Variants in DTD1 observed in about 807,000 individuals in gnomAD.
DTD1 encodes D-aminoacyl-tRNA deacylase 1, also known as D-tyrosyl-tRNA deacylase 1 homolog.
DTD1 carries 13 observed loss-of-function variants against 25.6 expected under a neutral mutation model. That is an observed-to-expected ratio of 0.51 (90% CI 0.33 to 0.81). DTD1 has a LOEUF of 0.81. DTD1 is among the 30% of genes least tolerant of loss of function. DTD1 has a pLI of 0.02. For missense variants in DTD1, 193 were observed against 266.4 expected (o/e 0.72, Z 1.92); for synonymous variants, 110 against 103.6 (o/e 1.06, Z -0.37).
chr20:18,611,225 A>G (rs1272131029), intron 3 of DTD1: 1 of 152,232 alleles, frequency 6.6e-6, no homozygotes, highest in East Asian at 1.9e-4. Flanking sequence ...CAGAAGTCCT[A>G]CAATTATATC....
Position 18,615,932 on chromosome 20 carries a change from C to G in DTD1, c.371-12195C>G, listed in dbSNP as rs117468893. On this transcript the variant is annotated intron_variant, in intron 3 of 5. Transcript: ENST00000377452. ...ACCACGTCTAAGTTTTTGTTTTGTG[C>G]TTAGTACTTGATTTCTGTGGATTTG... Among the ~76,000 whole-genome samples the G allele has an allele frequency of 1.8e-3, 273 of 152,258 alleles. 8 individuals are homozygous for G. In the East Asian group the frequency reaches 0.051, roughly 29 times the overall value.
Position 18,594,591 on chromosome 20 carries a change from T to C in DTD1, c.134+770T>C, listed in dbSNP as rs1037571807. ...ATTTACTTTAGATGCTGGATCCATT[T>C]ATTCTGCCCCTTGGTGCTCAGAGCT... On this transcript the variant is annotated intron_variant, in intron 2 of 5. Coordinates refer to ENST00000377452, the MANE Select transcript of DTD1 (RefSeq NM_080820.6). Among the ~76,000 whole-genome samples the C allele has an allele frequency of 5.3e-5, 8 of 152,324 alleles. No individual in the cohort carries two copies. The South Asian group carries it at 1.5e-3, about 28-fold the overall frequency.
At chr20:18,693,035 C>T (rs751085933) in intron 4 of DTD1, among the ~76,000 whole-genome samples, 2 of 151,674 alleles carry the variant, frequency 1.3e-5, no homozygotes, top group Non-Finnish European at 2.9e-5. Flanking sequence ...GGATTACAGG[C>T]GCGTGTCACC....
intron 3 of DTD1, among the ~76,000 whole-genome samples, chr20:18,616,660 A>G (rs1199535481): frequency 1.3e-5 from 2 of 152,188 alleles, no homozygotes; most frequent in African/African-American, 4.8e-5. Context: ...AGAAAAAATT[A>G]GCTGAGTGTG....
rs148448227 is a variant in DTD1, at chr20:18,728,906, T to G, written c.478-15194T>G. 2.2e-4 allele frequency among the ~76,000 whole-genome samples: 33 copies of G among 152,334 alleles called. No homozygotes were observed. The East Asian group carries it at 6.4e-3, about 29-fold the overall frequency. On this transcript the variant is annotated intron_variant, in intron 4 of 5. Coordinates refer to ENST00000377452, the MANE Select transcript of DTD1 (RefSeq NM_080820.6). ...GCACACTTCCTCCCAGGAGTGACAA[T>G]TCCTGACAGCATCCTGAAACTGAAT...
At chr20:18,615,409 C>G (rs2060705514) in intron 3 of DTD1, among the ~76,000 whole-genome samples, 1 of 152,128 alleles carries the variant, frequency 6.6e-6, no homozygotes, top group Non-Finnish European at 1.5e-5. Context: ...TATTGGGTCC[C>G]CAGACTGAGT....
At chr20:18,721,078 C>A (rs1015700371) in intron 4 of DTD1, among the ~76,000 whole-genome samples, 2 of 152,118 alleles carry the variant, frequency 1.3e-5, no homozygotes, top group Admixed American at 6.5e-5. Context: ...CTTTTATTTC[C>A]TTTTCTTGTC....
chr20:18,597,389 A>T (rs1016220429), intron 3 of DTD1, among the ~76,000 whole-genome samples: 2 of 152,186 alleles, frequency 1.3e-5, no homozygotes, highest in Admixed American at 6.5e-5. Flanking sequence ...CACATACTGT[A>T]CAATTCACCT....
Position 18,719,651 on chromosome 20 carries a change from C to T in DTD1, c.478-24449C>T, listed in dbSNP as rs116260517. Among the ~76,000 whole-genome samples the T allele has an allele frequency of 5.1e-3, 783 of 152,292 alleles. 3 individuals carry two copies. Among genetic ancestry groups the T allele is most frequent in the African/African-American group, 0.018 (759 of 41,558 alleles). ...GACTGCGAGGGGTGAGTCAAGCCTC[C>T]GAGTGGTACTGCTGCTACACATGGC... On this transcript the variant is annotated intron_variant, in intron 4 of 5. Coordinates refer to ENST00000377452, the MANE Select transcript of DTD1 (RefSeq NM_080820.6).
chr20:18,758,220 C>G (rs11907075), intron 5 of DTD1, among the ~76,000 whole-genome samples: 5 of 152,028 alleles, frequency 3.3e-5, no homozygotes, highest in Admixed American at 6.6e-5. Flanking sequence ...TTCAAAAAAC[C>G]AGCTCCTGGA....
Position 18,734,235 on chromosome 20 carries a change from A to T in DTD1, c.478-9865A>T, listed in dbSNP as rs181218650. 4.0e-3 allele frequency among the ~76,000 whole-genome samples: 614 copies of T among 152,264 alleles called. 10 individuals carry two copies. The highest frequency in any genetic ancestry group is 0.038 in the Admixed American group (576 of 15,286). The stretch of plus-strand genomic sequence containing the variant: ...TGCCTCCTCCTTCTTTCCCCGTCCT[A>T]CCCTCTGCCACCAGGCCTGTAAGTA... On this transcript the variant is annotated intron_variant, in intron 4 of 5. Coordinates refer to ENST00000377452, the MANE Select transcript of DTD1 (RefSeq NM_080820.6).
intron 4 of DTD1, among the ~76,000 whole-genome samples, chr20:18,679,704 C>T (rs762123249): frequency 6.6e-5 from 10 of 152,154 alleles, no homozygotes; most frequent in Non-Finnish European, 1.3e-4. Context: ...AATAAGTAAC[C>T]AAATTCTGTT....
rs1468412410 is a variant in DTD1 at position 18,744,090 on chromosome 20, A to G, written c.478-10A>G. 1 of 1,573,128 alleles carries G rather than the reference A, an allele frequency of 6.4e-7. No individual in the cohort carries two copies. The highest frequency in any genetic ancestry group is 1.2e-5 in the South Asian group (1 of 85,870). ...TTGTAAAATATTCTTTTTTATTTTT[A>G]TTTAATCAGCTGTCAAAGCTCGAAA... On this transcript the variant is annotated splice_polypyrimidine_tract_variant and intron_variant, in intron 4 of 5. Coordinates refer to ENST00000377452, the MANE Select transcript of DTD1 (RefSeq NM_080820.6).
At chr20:18,619,714 C>T (rs778187041) in intron 3 of DTD1, among the ~76,000 whole-genome samples, 20 of 152,308 alleles carry the variant, frequency 1.3e-4, no homozygotes, top group Non-Finnish European at 1.9e-4. Context: ...GGTGAGCCAC[C>T]GCACCTGGCC....
chr20:18,631,403 C>T, intron 4 of DTD1: 1 of 985,774 alleles, frequency 1.0e-6, no homozygotes, highest in Non-Finnish European at 1.2e-6. Context: ...GGAGCCCTTC[C>T]CTTCCACCTC....
At chr20:18,613,084 C>G (rs1348224524) in intron 3 of DTD1, among the ~76,000 whole-genome samples, 1 of 152,168 alleles carries the variant, frequency 6.6e-6, no homozygotes, top group African/African-American at 2.4e-5. Context: ...AGCAGTGTGC[C>G]CTGAGGCCAG....
At chr20:18,680,875 G>A (rs1251610693) in intron 4 of DTD1, among the ~76,000 whole-genome samples, 2 of 152,106 alleles carry the variant, frequency 1.3e-5, no homozygotes, top group African/African-American at 2.4e-5. Context: ...GAATGAGTGA[G>A]TTTATCTGTA....
At chr20:18,713,783 ATTCAGTGTC>A (rs2061169271) in intron 4 of DTD1, among the ~76,000 whole-genome samples, 1 of 152,318 alleles carries the variant, frequency 6.6e-6, no homozygotes, top group East Asian at 1.9e-4. Context: ...ACTGAAGACC[ATTCAGTGTC>A]TTCGGCAGCT....
chr20:18,740,353 T>C (rs541027327), intron 4 of DTD1, among the ~76,000 whole-genome samples: 2 of 152,152 alleles, frequency 1.3e-5, no homozygotes, highest in Non-Finnish European at 2.9e-5. Context: ...TCTCTGAAGA[T>C]GAGAAACAAA....
Sources: allele counts gnomAD v4.1 joint callset (sites outside exome capture counted in the v4.1 genomes callset), GRCh38; gene constraint gnomAD v4.1.1; transcripts MANE v1.5; gene names NCBI Gene and HGNC (gene_info 2026-07-23, HGNC 2026-07-21).